Variants in SLIT3 observed in about 807,000 individuals in gnomAD.
SLIT3 encodes the protein slit homolog 3 protein.
Under a neutral mutation model 184.0 loss-of-function variants are expected in SLIT3, and 68 were observed. That is an observed-to-expected ratio of 0.37 (90% CI 0.30 to 0.45). SLIT3 has a LOEUF of 0.45. Among genes scored for constraint, SLIT3 ranks in the 20% least tolerant of loss-of-function variants. The pLI, the probability that SLIT3 is intolerant of heterozygous loss-of-function variation, is 1.00. For missense variants in SLIT3, 1,707 were observed against 2,026.0 expected (o/e 0.84, Z 3.02); for synonymous variants, 831 against 828.6 (o/e 1.00, Z -0.05).
At chr5:169,241,530 G>T (rs1207683913) in intron 3 of SLIT3, among the ~76,000 whole-genome samples, 1 of 152,124 alleles carries the variant, frequency 6.6e-6, no homozygotes, top group Non-Finnish European at 1.5e-5. Flanking sequence ...AATCAAAAAT[G>T]TATCTAAACA....
At chr5:168,816,313 A>C (rs1314474089) in intron 8 of SLIT3, among the ~76,000 whole-genome samples, 1 of 152,094 alleles carries the variant, frequency 6.6e-6, no homozygotes, top group African/African-American at 2.4e-5. Context: ...CAGCCTCCTG[A>C]GTAGCAGGGA....
chr5:169,134,845 G>C, intron 4 of SLIT3, among the ~76,000 whole-genome samples: 1 of 152,180 alleles, frequency 6.6e-6, no homozygotes. Context: ...TTGCAGCTTG[G>C]ACTAGAATTT....
chr5:168,828,917 A>T (rs1757792514), intron 6 of SLIT3, among the ~76,000 whole-genome samples: 1 of 152,176 alleles, frequency 6.6e-6, no homozygotes, highest in Non-Finnish European at 1.5e-5. Context: ...CTTTTGCAGC[A>T]ACTAGGACTG....
At chr5:168,736,664 C>T (rs557552594) in intron 20 of SLIT3, among the ~76,000 whole-genome samples, 1 of 146,924 alleles carries the variant, frequency 6.8e-6, no homozygotes, top group African/African-American at 2.7e-5. Context: ...TGCTGCAATG[C>T]AGAGTGCCTG....
At chr5:168,989,514 G>A (rs767794373) in intron 4 of SLIT3, among the ~76,000 whole-genome samples, 12 of 152,218 alleles carry the variant, frequency 7.9e-5, no homozygotes, top group Admixed American at 1.3e-4. Flanking sequence ...GAGAATGTGA[G>A]GTGACAAGTT....
intron 4 of SLIT3, among the ~76,000 whole-genome samples, chr5:168,921,688 C>T (rs1042781996): frequency 3.3e-5 from 5 of 152,218 alleles, no homozygotes; most frequent in Non-Finnish European, 7.3e-5. Flanking sequence ...CCTGTCCCGG[C>T]TCCAAGCTGC....
intron 4 of SLIT3, chr5:169,026,348 C>T (rs1377740230): frequency 6.6e-6 from 1 of 152,168 alleles, no homozygotes; most frequent in Non-Finnish European, 1.5e-5. Flanking sequence ...GGGTGTGAAG[C>T]TTTCAAGAAG....
chr5:168,743,334 G>A (rs1046807682), intron 20 of SLIT3, among the ~76,000 whole-genome samples: 5 of 152,148 alleles, frequency 3.3e-5, no homozygotes, highest in Non-Finnish European at 7.4e-5. Flanking sequence ...TCATGTCTCT[G>A]TGTTACATTT....
At position 168,664,740 on chromosome 5, in the gene SLIT3, G is replaced by A. The variant is rs994880586; in HGVS notation, c.*1714C>T. ...AGGAGGGATGGATGATAAGAGCCAGGGAGTTGGTGTGAACAGCTGAGCCCT... is the reference window on the plus strand; with the variant it reads ...AGGAGGGATGGATGATAAGAGCCAGAGAGTTGGTGTGAACAGCTGAGCCCT... On this transcript the variant is annotated 3_prime_UTR_variant, in exon 36 of 36. Coordinates refer to ENST00000519560, the MANE Select transcript of SLIT3 (RefSeq NM_003062.4). 4.6e-5 allele frequency: 7 copies of A among 152,246 alleles called. No individual in the cohort carries two copies. Among genetic ancestry groups the A allele is most frequent in the African/African-American group, 1.7e-4 (7 of 41,436 alleles). The allele number at this position is 152,246 out of a possible 1,614,324, so 9.4% of individuals were successfully genotyped here.
intron 3 of SLIT3, among the ~76,000 whole-genome samples, chr5:169,216,353 C>T (rs556858328): frequency 4.9e-4 from 75 of 152,314 alleles, no homozygotes; most frequent in South Asian, 2.1e-4. Flanking sequence ...AGCTCCATTC[C>T]GTCCCTTTTC....
intron 5 of SLIT3, among the ~76,000 whole-genome samples, chr5:168,865,235 AT>A (rs2113756135): frequency 6.6e-6 from 1 of 151,998 alleles, no homozygotes; most frequent in East Asian, 1.9e-4. Flanking sequence ...ACTCTTAAGT[AT>A]TTACGTGAGG....
chr5:168,758,539 C>A (rs1389064919), intron 16 of SLIT3, among the ~76,000 whole-genome samples: 1 of 152,182 alleles, frequency 6.6e-6, no homozygotes, highest in Non-Finnish European at 1.5e-5. Flanking sequence ...TGTGTTGGGA[C>A]CCTGAAGCTA....
At chr5:169,167,270 T>C (rs1268975363) in intron 4 of SLIT3, among the ~76,000 whole-genome samples, 90 of 117,466 alleles carry the variant, frequency 7.7e-4, no homozygotes, top group African/African-American at 3.1e-3. Flanking sequence ...TCTAAGCACT[T>C]TTTTTTTTTT....
intron 1 of SLIT3, among the ~76,000 whole-genome samples, chr5:169,287,712 G>C (rs1767206941): frequency 6.6e-6 from 1 of 152,154 alleles, no homozygotes; most frequent in East Asian, 1.9e-4. Context: ...TTGTACGCTG[G>C]CAGCAGATGG....
chr5:169,047,198 A>G (rs769570245), intron 4 of SLIT3, among the ~76,000 whole-genome samples: 2 of 151,970 alleles, frequency 1.3e-5, no homozygotes, highest in Non-Finnish European at 2.9e-5. Flanking sequence ...CTGGTTAACC[A>G]CCTTCTCGAG....
chr5:169,291,539 C>G (rs956210089), intron 1 of SLIT3, among the ~76,000 whole-genome samples: 4 of 152,196 alleles, frequency 2.6e-5, no homozygotes, highest in African/African-American at 9.6e-5. Flanking sequence ...TTTCTACGCA[C>G]AGGGATCCCA....
intron 4 of SLIT3, among the ~76,000 whole-genome samples, chr5:169,025,532 T>C (rs1581320819): frequency 6.6e-6 from 1 of 152,276 alleles, no homozygotes; most frequent in South Asian, 2.1e-4. Flanking sequence ...TTTTGCAAGA[T>C]GAATTCTGTG....
intron 4 of SLIT3, among the ~76,000 whole-genome samples, chr5:168,902,105 T>C (rs1411217263): frequency 1.3e-5 from 2 of 152,204 alleles, no homozygotes; most frequent in African/African-American, 4.8e-5. Context: ...TTGGCCAGTA[T>C]GGTCTTGATC....
intron 20 of SLIT3, among the ~76,000 whole-genome samples, chr5:168,747,892 C>T (rs1754543776): frequency 1.3e-5 from 2 of 152,106 alleles, no homozygotes; most frequent in Non-Finnish European, 2.9e-5. Flanking sequence ...CCACGGTGCC[C>T]GCTGGACAAT....
Sources: gnomAD v4.1 joint callset for allele counts (sites outside exome capture counted in the v4.1 genomes callset) on GRCh38, gnomAD v4.1.1 for gene constraint, MANE v1.5 for transcripts, NCBI Gene and HGNC (gene_info 2026-07-23, HGNC 2026-07-21) for gene names.